Variants in CDKL1 observed in about 807,000 individuals in gnomAD.
CDKL1 encodes cyclin-dependent kinase-like 1.
A neutral mutation model predicts 42.0 loss-of-function variants in CDKL1; 41 were observed. The observed-to-expected ratio is 0.98, with a 90% confidence interval of 0.76 to 1.27. The LOEUF (loss-of-function observed/expected upper bound fraction) is 1.27. Among genes scored for constraint, CDKL1 ranks in the 50% most tolerant of loss-of-function variants. The pLI is 0.00. For synonymous variants in CDKL1, 153 were observed against 158.6 expected (o/e 0.96, Z 0.26); for missense variants, 394 against 428.4 (o/e 0.92, Z 0.71).
Position 50,339,013 on chromosome 14 carries a change from C to G in CDKL1, c.672G>C (p.Arg224Ser). 6.2e-7 allele frequency: 1 copy of G among 1,610,694 alleles called. No individual in the cohort carries two copies. Among genetic ancestry groups the G allele is most frequent in the South Asian group, 1.1e-5 (1 of 91,000 alleles). ...GATTCGTGCTAAACACTTGCTGGTG[C>G]CTAGGAATGAGATCCCCTTTGGACA... ...IRKTLGDLIP[R>S]HQQVFSTNQY... Residue 224 changes from arginine to serine, a missense_variant, in exon 7 of 10, where the codon AGG becomes AGC. Coordinates refer to ENST00000395834, the MANE Select transcript of CDKL1 (RefSeq NM_004196.7).
intron 8 of CDKL1, 162 bp from the exon 9 acceptor site, chr14:50,332,594 T>C: frequency 6.7e-7 from 1 of 1,484,368 alleles, no homozygotes; most frequent in South Asian, 1.2e-5. Flanking sequence ...CAGTCATTCC[T>C]AAATGGCACT....
At chr14:50,376,749 C>G (rs1006574397) in intron 2 of CDKL1, among the ~76,000 whole-genome samples, 1 of 152,056 alleles carries the variant, frequency 6.6e-6, no homozygotes, top group African/African-American at 2.4e-5. Context: ...CTATATTGAG[C>G]CCTCTGCTCT....
chr14:50,332,282 A>G lies in CDKL1; in HGVS notation c.946T>C (p.Cys316Arg). Residue 316 changes from cysteine (C) to arginine (R), a missense_variant, in exon 9 of 10, where the codon TGC becomes CGC. By Grantham distance (180) the Cys-to-Arg change is radical. Transcript: ENST00000395834. Reference sequence around the variant, plus strand: ...ATAACCTTGGATGTTTCTGTAAAGCAGTGGTGCTTTCGGCTCTTTCTTAGG... The same window carrying G: ...ATAACCTTGGATGTTTCTGTAAAGCGGTGGTGCTTTCGGCTCTTTCTTAGG... ...KTLRKSRKHH[C>R]FTETSKLQYL... The G allele has an allele frequency of 5.6e-6, 9 of 1,614,144 alleles. No individual in the cohort carries two copies. Among genetic ancestry groups the G allele is most frequent in the Non-Finnish European group, 7.6e-6 (9 of 1,180,016 alleles).
At chr14:50,347,222 T>A (rs904057750) in intron 3 of CDKL1, among the ~76,000 whole-genome samples, 3 of 152,172 alleles carry the variant, frequency 2.0e-5, no homozygotes, top group Non-Finnish European at 4.4e-5. Context: ...CCTCAGACTC[T>A]GAGATCCCTT....
In CDKL1 at chr14:50,396,642, C is replaced by T. The variant is rs145894008; in HGVS notation, c.-462+182G>A. 9.8e-3 allele frequency: 1,983 copies of T among 201,948 alleles called. 45 individuals are homozygous for T. Among genetic ancestry groups the T allele is most frequent in the African/African-American group, 0.043 (1,823 of 42,484 alleles). The allele number at this position is 201,948 out of a possible 1,614,324, so 12.5% of individuals were successfully genotyped here. On this transcript the variant is annotated intron_variant, in intron 1 of 9. Coordinates refer to ENST00000395834, the MANE Select transcript of CDKL1 (RefSeq NM_004196.7). ...GCGGCAAGAAGACACCTCCCGGCTC[C>T]CCGCGGAGGCGGCGGCGAGGCTTGG...
intron 2 of CDKL1, chr14:50,363,849 C>G (rs2034360110): frequency 6.6e-6 from 1 of 152,514 alleles, no homozygotes; most frequent in South Asian, 2.1e-4. Flanking sequence ...GCTTACCTCT[C>G]CAGCCCCAAC....
intron 1 of CDKL1, among the ~76,000 whole-genome samples, 164 bp from the exon 2 acceptor site, chr14:50,396,493 G>C (rs2035411318): frequency 6.6e-6 from 1 of 152,224 alleles, no homozygotes; most frequent in South Asian, 2.1e-4. Context: ...CCTAAAACGA[G>C]CCGAGCTGTA....
At chr14:50,393,848 A>G (rs2035326781) in intron 2 of CDKL1, among the ~76,000 whole-genome samples, 1 of 152,174 alleles carries the variant, frequency 6.6e-6, no homozygotes, top group African/African-American at 2.4e-5. Flanking sequence ...GAGGATATCA[A>G]TATTCAGATA....
chr14:50,355,445 C>T (rs781201185), intron 3 of CDKL1, among the ~76,000 whole-genome samples: 4 of 152,160 alleles, frequency 2.6e-5, no homozygotes, highest in Non-Finnish European at 5.9e-5. Context: ...TCTCTTTTGA[C>T]AATATTAGGC....
intron 2 of CDKL1, chr14:50,363,081 TA>T: frequency 2.8e-6 from 1 of 362,438 alleles, no homozygotes. Flanking sequence ...TTAAGAGCTG[TA>T]ACACTCACTG....
intron 7 of CDKL1, among the ~76,000 whole-genome samples, chr14:50,335,171 C>T (rs1200400876): frequency 6.6e-6 from 1 of 151,584 alleles, no homozygotes; most frequent in Non-Finnish European, 1.5e-5. Context: ...TGGTGTGCGC[C>T]TCTAGTACTA....
chr14:50,350,683 C>T (rs886496548), intron 3 of CDKL1, among the ~76,000 whole-genome samples: 5 of 152,142 alleles, frequency 3.3e-5, no homozygotes, highest in African/African-American at 4.8e-5. Context: ...TATCAGCTCC[C>T]CCGACCTAGA....
At chr14:50,388,664 A>C (rs1301352959) in intron 2 of CDKL1, among the ~76,000 whole-genome samples, 1 of 152,184 alleles carries the variant, frequency 6.6e-6, no homozygotes, top group Non-Finnish European at 1.5e-5. Context: ...TGTTTGGCCC[A>C]AGAGCCCTCT....
At chr14:50,364,149 T>G (rs1275113035) in intron 2 of CDKL1, among the ~76,000 whole-genome samples, 1 of 152,220 alleles carries the variant, frequency 6.6e-6, no homozygotes, top group Non-Finnish European at 1.5e-5. Flanking sequence ...GCACCCACCT[T>G]GCTACGTTAC....
rs189236095 is a variant in CDKL1 at position 50,396,495 on chromosome 14, C to G, written c.-461-166G>C. Reference sequence around the variant, plus strand: ...TGTAACTTGCCATCCTAAAACGAGCCGAGCTGTAAGATAAGCTATCTTTTT... The same window carrying G: ...TGTAACTTGCCATCCTAAAACGAGCGGAGCTGTAAGATAAGCTATCTTTTT... On this transcript the variant is annotated intron_variant, in intron 1 of 9. Transcript: ENST00000395834. Among the ~76,000 whole-genome samples, 648 of 152,310 alleles carry G rather than the reference C, an allele frequency of 4.3e-3. 4 individuals carry two copies. The highest frequency in any genetic ancestry group is 7.1e-3 in the Non-Finnish European group (483 of 68,032).
At chr14:50,390,689 A>G (rs189150564) in intron 2 of CDKL1, among the ~76,000 whole-genome samples, 2 of 152,342 alleles carry the variant, frequency 1.3e-5, no homozygotes, top group East Asian at 1.9e-4. Context: ...TGAACCACAT[A>G]GCCCTTTCCT....
intron 2 of CDKL1, among the ~76,000 whole-genome samples, chr14:50,394,307 G>A (rs958707883): frequency 6.6e-6 from 1 of 152,206 alleles, no homozygotes; most frequent in African/African-American, 2.4e-5. Flanking sequence ...TCAAAACACT[G>A]CAGGTCTCAC....
chr14:50,335,909 A>G (rs1347516710), intron 7 of CDKL1: 3 of 1,273,466 alleles, frequency 2.4e-6, no homozygotes, highest in African/African-American at 1.5e-5. Context: ...AGAGTTCCCT[A>G]TGTCAACAGG....
chr14:50,384,456 T>G (rs1595369579), intron 2 of CDKL1, among the ~76,000 whole-genome samples: 1 of 152,304 alleles, frequency 6.6e-6, no homozygotes, highest in East Asian at 1.9e-4. Context: ...AGGATGAGCC[T>G]GGGACATTTG....
Sources: allele counts gnomAD v4.1 joint callset (sites outside exome capture counted in the v4.1 genomes callset), GRCh38; gene constraint gnomAD v4.1.1; transcripts MANE v1.5; gene names NCBI Gene and HGNC (gene_info 2026-07-23, HGNC 2026-07-21).